The following KIAA0825 variants were observed in gnomAD, a reference collection of about 807,000 sequenced individuals.
The protein encoded by KIAA0825 is KIAA0825.
Under a neutral mutation model 147.6 loss-of-function variants are expected in KIAA0825, and 119 were observed. That is an observed-to-expected ratio of 0.81 (90% CI 0.69 to 0.94). The LOEUF is 0.94. KIAA0825 is among the 40% of genes least tolerant of loss of function. The probability of loss-of-function intolerance (pLI) is 0.00; values close to 1 mark genes in which losing one functional copy is unlikely to be tolerated. For synonymous variants in KIAA0825, 470 were observed against 518.1 expected, an observed-to-expected ratio of 0.91 and a Z score of 1.26; for missense variants, 1,381 against 1,472.7, an observed-to-expected ratio of 0.94 and a Z score of 1.02.
chr5:94,293,445 T>A (rs1473737493), intron 20 of KIAA0825, among the ~76,000 whole-genome samples: 1 of 152,212 alleles, frequency 6.6e-6, no homozygotes, highest in African/African-American at 2.4e-5. Flanking sequence ...TAATCCTGAG[T>A]TCTAATTTGA....
intron 15 of KIAA0825, among the ~76,000 whole-genome samples, chr5:94,410,943 A>G (rs1752683089): frequency 6.6e-6 from 1 of 152,178 alleles, no homozygotes; most frequent in Non-Finnish European, 1.5e-5. Flanking sequence ...AAATATATGG[A>G]CAAATATAAA....
chr5:94,332,153 T>A (rs1584143783), intron 20 of KIAA0825, among the ~76,000 whole-genome samples: 2 of 105,726 alleles, frequency 1.9e-5, no homozygotes, highest in East Asian at 2.7e-4. Flanking sequence ...AGACTGAGAC[T>A]CCATCTCAAA....
At chr5:94,178,863 A>G (rs1769346358) in intron 20 of KIAA0825, among the ~76,000 whole-genome samples, 1 of 152,146 alleles carries the variant, frequency 6.6e-6, no homozygotes, top group Non-Finnish European at 1.5e-5. Context: ...GTGAATGTTT[A>G]TAAGAGCTTT....
intron 13 of KIAA0825, among the ~76,000 whole-genome samples, chr5:94,440,361 C>G (rs911025248): frequency 6.6e-6 from 1 of 152,144 alleles, no homozygotes; most frequent in Non-Finnish European, 1.5e-5. Flanking sequence ...ATACAAAATA[C>G]CCATGCCTAT....
At chr5:94,389,110 C>T (rs757015103) in intron 18 of KIAA0825, among the ~76,000 whole-genome samples, 1 of 152,166 alleles carries the variant, frequency 6.6e-6, no homozygotes, top group African/African-American at 2.4e-5. Flanking sequence ...GTGGCCAACC[C>T]GAGATCCATT....
intron 7 of KIAA0825, 37 bp downstream of exon 7, chr5:94,477,074 A>T: frequency 7.4e-7 from 1 of 1,350,348 alleles, no homozygotes; most frequent in East Asian, 2.5e-5. Context: ...ATGATATTAT[A>T]TGTGAATTAT....
chr5:94,466,997 C>T (rs1279233068), intron 10 of KIAA0825, among the ~76,000 whole-genome samples: 6 of 152,036 alleles, frequency 3.9e-5, no homozygotes, highest in Admixed American at 1.3e-4. Flanking sequence ...CTTATTATAA[C>T]GTGATCAAAA....
At chr5:94,190,885 G>A (rs937853090) in intron 20 of KIAA0825, among the ~76,000 whole-genome samples, 2 of 151,774 alleles carry the variant, frequency 1.3e-5, no homozygotes, top group South Asian at 2.1e-4. Context: ...CTTACTTAAC[G>A]CACCCTTTTA....
intron 11 of KIAA0825, among the ~76,000 whole-genome samples, chr5:94,464,081 AAAAAG>A (rs1397855831): frequency 2.6e-5 from 4 of 151,370 alleles, no homozygotes; most frequent in Non-Finnish European, 1.5e-5. Context: ...AAAAAAAAAA[AAAAAG>A]AAAGCCTCCC....
intron 1 of KIAA0825, among the ~76,000 whole-genome samples, chr5:94,585,786 G>A (rs1783152261): frequency 6.6e-6 from 1 of 152,006 alleles, no homozygotes; most frequent in African/African-American, 2.4e-5. Flanking sequence ...CCCCATAATT[G>A]GAAGTAAAAC....
intron 14 of KIAA0825, among the ~76,000 whole-genome samples, chr5:94,429,568 A>G (rs1310770241): frequency 6.6e-6 from 1 of 152,076 alleles, no homozygotes; most frequent in Non-Finnish European, 1.5e-5. Flanking sequence ...GTGGCTGGGT[A>G]TATAGTTGAT....
intron 1 of KIAA0825, among the ~76,000 whole-genome samples, chr5:94,602,051 A>G (rs114375187): frequency 0.016 from 2,447 of 152,296 alleles, 68 homozygotes; most frequent in African/African-American, 0.055. Context: ...GAACCCTGCT[A>G]AGATATTCCA....
intron 6 of KIAA0825, among the ~76,000 whole-genome samples, chr5:94,483,083 G>A (rs1489784066): frequency 1.3e-5 from 2 of 151,904 alleles, no homozygotes; most frequent in African/African-American, 4.8e-5. Context: ...TAATCTAATG[G>A]AATTGAATCA....
intron 20 of KIAA0825, among the ~76,000 whole-genome samples, chr5:94,367,716 G>A (rs557181690): frequency 6.6e-6 from 1 of 152,248 alleles, no homozygotes; most frequent in South Asian, 2.1e-4. Flanking sequence ...TGGAAGAGTG[G>A]CAGAAAAAGA....
intron 14 of KIAA0825, among the ~76,000 whole-genome samples, chr5:94,423,516 A>T (rs1434320659): frequency 6.6e-6 from 1 of 152,198 alleles, no homozygotes; most frequent in Non-Finnish European, 1.5e-5. Flanking sequence ...GGTACTAAAG[A>T]TTTACACATA....
chr5:94,200,839 G>A (rs1204278987), intron 20 of KIAA0825, among the ~76,000 whole-genome samples: 2 of 150,902 alleles, frequency 1.3e-5, no homozygotes, highest in South Asian at 2.1e-4. Context: ...CTTTTATGTT[G>A]ACGCTCCTTT....
In KIAA0825 at chr5:94,391,695, C is replaced by A; in HGVS notation, c.3297-1G>T. 1 of 1,529,988 alleles carries A rather than the reference C, an allele frequency of 6.5e-7. No individual in the cohort carries two copies. The highest frequency in any genetic ancestry group is 8.8e-7 in the Non-Finnish European group (1 of 1,136,760). The allele number at this position is 1,529,988 out of a possible 1,614,324, so 94.8% of individuals were successfully genotyped here. On this transcript the variant is annotated splice_acceptor_variant, in intron 17 of 20. Coordinates refer to ENST00000682413, the MANE Select transcript of KIAA0825 (RefSeq NM_001145678.3). LOFTEE classifies it high-confidence loss of function. The stretch of plus-strand genomic sequence containing the variant: ...GCTTTTCTCTATTGTCATAAATGCA[C>A]TAAATACAAAGAAAGCATATACATA...
chr5:94,442,725 T>A (rs1757241723), intron 13 of KIAA0825, among the ~76,000 whole-genome samples: 1 of 152,160 alleles, frequency 6.6e-6, no homozygotes, highest in African/African-American at 2.4e-5. Context: ...GTTTTGAACA[T>A]TTCCTACCTA....
At chr5:94,377,493 C>T (rs186154219) in intron 20 of KIAA0825, among the ~76,000 whole-genome samples, 25 of 152,292 alleles carry the variant, frequency 1.6e-4, no homozygotes, top group African/African-American at 6.0e-4. Flanking sequence ...CCTTTTGGTC[C>T]ACTCTCCTGC....
Sources: gnomAD v4.1 joint callset for allele counts (sites outside exome capture counted in the v4.1 genomes callset) on GRCh38, gnomAD v4.1.1 for gene constraint, MANE v1.5 for transcripts, NCBI Gene and HGNC (gene_info 2026-07-23, HGNC 2026-07-21) for gene names.